Variants in MRAP2 observed in about 807,000 individuals in gnomAD.
MRAP2 encodes the protein melanocortin 2 receptor accessory protein 2, also known as melanocortin-2 receptor accessory protein 2.
A neutral mutation model predicts 17.4 loss-of-function variants in MRAP2; 20 were observed. The observed-to-expected ratio is 1.15, with a 90% CI of 0.81 to 1.67. The LOEUF (loss-of-function observed/expected upper bound fraction) is 1.67, where lower values mean the gene tolerates loss of function less well. Among genes scored for constraint, MRAP2 ranks in the 40% most tolerant of loss-of-function variants. The probability of loss-of-function intolerance (pLI) is 0.00; values close to 1 mark genes in which losing one functional copy is unlikely to be tolerated. For synonymous variants in MRAP2, 96 were observed against 88.4 expected (o/e 1.09, Z -0.48); for missense variants, 238 against 240.0 (o/e 0.99, Z 0.05).
At chr6:84,036,634 G>A (rs931404681) in intron 1 of MRAP2, among the ~76,000 whole-genome samples, 1 of 152,016 alleles carries the variant, frequency 6.6e-6, no homozygotes, top group Non-Finnish European at 1.5e-5. Context: ...TTGCAAAGAG[G>A]GAAAGACCAA....
chr6:84,063,303 T>C (rs2099493658), intron 3 of MRAP2: 1 of 985,006 alleles, frequency 1.0e-6, no homozygotes, highest in African/African-American at 1.7e-5. Flanking sequence ...ATTTTATTCA[T>C]ATTCCCAAAA....
At chr6:84,055,938 T>A (rs1296827978) in intron 2 of MRAP2, among the ~76,000 whole-genome samples, 2 of 152,190 alleles carry the variant, frequency 1.3e-5, no homozygotes, top group Non-Finnish European at 2.9e-5. Context: ...AACACTGTGT[T>A]CTAGGCATGA....
the MRAP2 span, among the ~76,000 whole-genome samples, chr6:84,103,793 T>C: frequency 6.6e-6 from 1 of 152,202 alleles, no homozygotes; most frequent in East Asian, 1.9e-4. Context: ...ATAGGAACCA[T>C]TGGTACCATG....
chr6:84,101,971 G>A, the MRAP2 span, among the ~76,000 whole-genome samples: 4 of 152,086 alleles, frequency 2.6e-5, no homozygotes, highest in Admixed American at 1.3e-4. Flanking sequence ...AACACACAGG[G>A]GATGTGTGTA....
chr6:84,134,208 C>T, the MRAP2 span, among the ~76,000 whole-genome samples: 1 of 152,184 alleles, frequency 6.6e-6, no homozygotes, highest in Non-Finnish European at 1.5e-5. Flanking sequence ...GCCACTCCCC[C>T]CACCAAGCTT....
At chr6:84,043,046 A>C (rs893078196) in intron 1 of MRAP2, among the ~76,000 whole-genome samples, 13 of 152,234 alleles carry the variant, frequency 8.5e-5, no homozygotes, top group African/African-American at 2.9e-4. Flanking sequence ...AATACAAAGT[A>C]GTCTTGTTTG....
At chr6:84,146,047 A>C in the MRAP2 span, among the ~76,000 whole-genome samples, 2 of 152,108 alleles carry the variant, frequency 1.3e-5, no homozygotes, top group Admixed American at 6.6e-5. Flanking sequence ...ACCTATTCTC[A>C]GCACTAAGAC....
At chr6:84,131,107 T>C in the MRAP2 span, among the ~76,000 whole-genome samples, 1 of 152,234 alleles carries the variant, frequency 6.6e-6, no homozygotes, top group Admixed American at 6.5e-5. Flanking sequence ...CTTCATTTCA[T>C]TATTTATCCA....
At chr6:84,104,967 C>T in the MRAP2 span, among the ~76,000 whole-genome samples, 3 of 152,210 alleles carry the variant, frequency 2.0e-5, no homozygotes, top group Non-Finnish European at 4.4e-5. Flanking sequence ...CCACGAGTCT[C>T]TTTGCTAAAA....
the MRAP2 span, among the ~76,000 whole-genome samples, chr6:84,101,739 A>G: frequency 6.6e-6 from 1 of 152,226 alleles, no homozygotes; most frequent in Non-Finnish European, 1.5e-5. Context: ...TGGTTAAAGA[A>G]AATTTATATT....
intron 3 of MRAP2, among the ~76,000 whole-genome samples, chr6:84,072,188 T>G (rs1323372912): frequency 6.6e-6 from 1 of 152,166 alleles, no homozygotes; most frequent in African/African-American, 2.4e-5. Flanking sequence ...TCTGGTTTCT[T>G]CTCATTTGGG....
intron 1 of MRAP2, among the ~76,000 whole-genome samples, chr6:84,050,523 G>C (rs1456537815): frequency 6.6e-6 from 1 of 152,216 alleles, no homozygotes; most frequent in East Asian, 1.9e-4. Context: ...AGGAAATTAA[G>C]CTTCTAAAGT....
At chr6:84,119,066 CTGTTT>C in the MRAP2 span, among the ~76,000 whole-genome samples, 1 of 152,088 alleles carries the variant, frequency 6.6e-6, no homozygotes, top group Non-Finnish European at 1.5e-5. Flanking sequence ...TGATAATATA[CTGTTT>C]TGATTACTGT....
intron 3 of MRAP2, among the ~76,000 whole-genome samples, chr6:84,084,898 ATT>A (rs1213627724): frequency 4.5e-4 from 51 of 113,716 alleles, no homozygotes; most frequent in South Asian, 1.3e-3. Flanking sequence ...ATTTTATTTT[ATT>A]TTATTTTATT....
the MRAP2 span, among the ~76,000 whole-genome samples, chr6:84,145,313 G>GGCCAA: frequency 6.6e-6 from 1 of 151,962 alleles, no homozygotes; most frequent in African/African-American, 2.4e-5. Context: ...GCCAATAAAG[G>GGCCAA]GCCAATCTGA....
chr6:84,060,551 A>G (rs1377615102), intron 2 of MRAP2, among the ~76,000 whole-genome samples: 1 of 152,254 alleles, frequency 6.6e-6, no homozygotes, highest in Non-Finnish European at 1.5e-5. Context: ...CTATGCAGGC[A>G]GTTGATAAAG....
At chr6:84,091,702 A>G (rs185743078), downstream of MRAP2, among the ~76,000 whole-genome samples, 23 of 152,350 alleles carry the variant, frequency 1.5e-4, no homozygotes, top group East Asian at 4.2e-3. Context: ...CCATGACTAT[A>G]TCATCATTTT....
At chr6:84,040,603 C>T (rs1166251264) in intron 1 of MRAP2, among the ~76,000 whole-genome samples, 1 of 152,116 alleles carries the variant, frequency 6.6e-6, no homozygotes, top group Admixed American at 6.5e-5. Context: ...TGGCTTTGAC[C>T]AAATACTGAT....
At chr6:84,109,761 C>A in the MRAP2 span, among the ~76,000 whole-genome samples, 2 of 151,784 alleles carry the variant, frequency 1.3e-5, no homozygotes, top group South Asian at 4.2e-4. Flanking sequence ...AGCCCCCCAC[C>A]CCCCGACAGG....
Sources: allele counts gnomAD v4.1 joint callset (sites outside exome capture counted in the v4.1 genomes callset), GRCh38; gene constraint gnomAD v4.1.1; transcripts MANE v1.5; gene names NCBI Gene and HGNC (gene_info 2026-07-23, HGNC 2026-07-21).